SGCD: variants seen among roughly 807,000 people sequenced by gnomAD.
The protein encoded by SGCD is sarcoglycan delta.
SGCD carries 18 observed loss-of-function variants against 36.6 expected under a neutral mutation model. The ratio of observed to expected loss-of-function variants is 0.49; its 90% CI spans 0.34 to 0.73. The LOEUF is 0.73. Among genes scored for constraint, SGCD ranks in the 30% least tolerant of loss-of-function variants. The probability of loss-of-function intolerance (pLI) is 0.01; values close to 1 mark genes in which losing one functional copy is unlikely to be tolerated. For synonymous variants in SGCD, 133 were observed against 130.6 expected (o/e 1.02, Z -0.12); for missense variants, 387 against 346.7 (o/e 1.12, Z -0.92).
intron 1 of SGCD, among the ~76,000 whole-genome samples, chr5:156,080,866 C>T (rs912991034): frequency 2.6e-5 from 4 of 152,134 alleles, no homozygotes; most frequent in Non-Finnish European, 5.9e-5. Flanking sequence ...CTTCTGAGTC[C>T]CCCAAACTCT....
chr5:156,124,650 A>G (rs1401291031), intron 3 of SGCD, among the ~76,000 whole-genome samples: 1 of 152,144 alleles, frequency 6.6e-6, no homozygotes, highest in Non-Finnish European at 1.5e-5. Context: ...AAACATGTAC[A>G]TATAAATATA....
chr5:156,189,331 A>C (rs549894413), intron 3 of SGCD, among the ~76,000 whole-genome samples: 3 of 152,272 alleles, frequency 2.0e-5, no homozygotes, highest in South Asian at 4.1e-4. Flanking sequence ...ATGTCACTGA[A>C]ATGAAAAAGC....
chr5:155,982,430 A>G (rs1758247541), intron 1 of SGCD, among the ~76,000 whole-genome samples: 1 of 152,210 alleles, frequency 6.6e-6, no homozygotes, highest in African/African-American at 2.4e-5. Flanking sequence ...GAATGAACTC[A>G]ACATAAATCC....
At chr5:155,987,501 A>C (rs1376108928) in intron 1 of SGCD, among the ~76,000 whole-genome samples, 2 of 152,114 alleles carry the variant, frequency 1.3e-5, no homozygotes, top group East Asian at 3.9e-4. Flanking sequence ...GCTGCCAATT[A>C]TCTATCTCTA....
chr5:156,733,962 C>T (rs189701756), intron 7 of SGCD, among the ~76,000 whole-genome samples: 1 of 152,048 alleles, frequency 6.6e-6, no homozygotes, highest in Admixed American at 6.6e-5. Flanking sequence ...ATCCTCTCAT[C>T]ATGATCTTAG....
At chr5:156,373,240 T>C (rs867162242) in intron 3 of SGCD, among the ~76,000 whole-genome samples, 1 of 152,320 alleles carries the variant, frequency 6.6e-6, no homozygotes. Flanking sequence ...CCAATCCAAT[T>C]ACATTTTCGA....
chr5:156,224,691 ATAAT>A (rs1172903930), intron 3 of SGCD, among the ~76,000 whole-genome samples: 1 of 152,176 alleles, frequency 6.6e-6, no homozygotes, highest in Non-Finnish European at 1.5e-5. Flanking sequence ...TGTATGCTTT[ATAAT>A]TCATACCCAG....
At chr5:156,113,637 G>A (rs910408372) in intron 1 of SGCD, among the ~76,000 whole-genome samples, 1 of 152,130 alleles carries the variant, frequency 6.6e-6, no homozygotes, top group Non-Finnish European at 1.5e-5. Context: ...TTTACCATAT[G>A]ATACAGCTAT....
Position 155,872,351 on chromosome 5 carries a change from G to GCACACACA in SGCD, c.-282+1955_-282+1962dup, listed in dbSNP as rs3085993. 1.2e-3 allele frequency among the ~76,000 whole-genome samples: 171 copies of GCACACACA among 145,080 alleles called. 1 individual carries two copies. The highest frequency in any genetic ancestry group is 3.3e-3 in the African/African-American group (131 of 40,000). ...CAATTCAAGTGTTGTCTTCTCTTCA[G>GCACACACA]CACACACACACACACACACACACAC... On this transcript the variant is annotated intron_variant, in intron 1 of 9. Transcript: ENST00000517913.
intron 3 of SGCD, among the ~76,000 whole-genome samples, chr5:156,363,580 G>T (rs930309346): frequency 3.9e-5 from 6 of 151,940 alleles, no homozygotes; most frequent in African/African-American, 1.5e-4. Flanking sequence ...TATCCTGATT[G>T]TTTCCAGGAT....
intron 4 of SGCD, among the ~76,000 whole-genome samples, chr5:156,569,597 AC>A (rs964005410): frequency 6.5e-5 from 9 of 139,070 alleles, no homozygotes; most frequent in Non-Finnish European, 1.4e-4. Flanking sequence ...ATTTTTTGAG[AC>A]CCTGTCTCAA....
At chr5:156,727,685 C>A (rs199820030) in intron 7 of SGCD, among the ~76,000 whole-genome samples, 4 of 59,212 alleles carry the variant, frequency 6.8e-5, no homozygotes, top group Admixed American at 2.5e-4. Flanking sequence ...TTCTGTCTAT[C>A]TTGGTTTCTT....
intron 3 of SGCD, among the ~76,000 whole-genome samples, chr5:156,410,013 C>G (rs1053528102): frequency 2.8e-4 from 43 of 152,068 alleles, no homozygotes; most frequent in African/African-American, 9.4e-4. Context: ...CGGGCTTTGG[C>G]TTGAATTTTT....
chr5:156,703,464 C>T (rs1011669820), intron 7 of SGCD, among the ~76,000 whole-genome samples: 1 of 151,476 alleles, frequency 6.6e-6, no homozygotes, highest in Admixed American at 6.6e-5. Flanking sequence ...AGTCATTCAA[C>T]ACTGGCATTT....
At chr5:155,809,494 G>A in the SGCD span, among the ~76,000 whole-genome samples, 1 of 152,122 alleles carries the variant, frequency 6.6e-6, no homozygotes, top group Non-Finnish European at 1.5e-5. Flanking sequence ...ACTGATACTT[G>A]GGGTAAGTGA....
chr5:156,357,738 C>A (rs993083282), intron 3 of SGCD, among the ~76,000 whole-genome samples: 1 of 152,166 alleles, frequency 6.6e-6, no homozygotes, highest in Non-Finnish European at 1.5e-5. Context: ...GTAGGGCAGC[C>A]TTTCTGTTTA....
At chr5:156,613,355 C>CAT (rs543516828) in intron 6 of SGCD, among the ~76,000 whole-genome samples, 69 of 152,264 alleles carry the variant, frequency 4.5e-4, no homozygotes, top group Non-Finnish European at 9.1e-4. Flanking sequence ...TAGGAGTATT[C>CAT]ATATATCAGG....
At chr5:156,438,292 T>C (rs570127860) in intron 3 of SGCD, among the ~76,000 whole-genome samples, 2 of 152,258 alleles carry the variant, frequency 1.3e-5, no homozygotes, top group African/African-American at 4.8e-5. Context: ...ATGCTCCTGC[T>C]CTGAGAGCTG....
the SGCD span, among the ~76,000 whole-genome samples, chr5:155,811,697 GA>G: frequency 6.6e-6 from 1 of 152,170 alleles, no homozygotes; most frequent in Non-Finnish European, 1.5e-5. Flanking sequence ...AGAAATAATA[GA>G]CACACACAAG....
Sources: allele counts gnomAD v4.1 joint callset (sites outside exome capture counted in the v4.1 genomes callset), GRCh38; gene constraint gnomAD v4.1.1; transcripts MANE v1.5; gene names NCBI Gene and HGNC (gene_info 2026-07-23, HGNC 2026-07-21).